Variants in ADCYAP1R1 observed in about 807,000 individuals in gnomAD.
ADCYAP1R1 encodes ADCYAP receptor type I.
In ADCYAP1R1, 44 loss-of-function variants were observed where a neutral mutation model predicts 67.6. That is an observed-to-expected ratio of 0.65 (90% CI 0.51 to 0.84). The LOEUF is 0.84. Among genes scored for constraint, ADCYAP1R1 ranks in the 40% least tolerant of loss-of-function variants. The pLI is 0.00. For missense variants in ADCYAP1R1, 477 were observed against 587.9 expected (o/e 0.81, Z 1.95); for synonymous variants, 222 against 219.6 (o/e 1.01, Z -0.10).
intron 1 of ADCYAP1R1, among the ~76,000 whole-genome samples, chr7:31,062,314 G>T (rs1794539437): frequency 6.6e-6 from 1 of 152,144 alleles, no homozygotes; most frequent in African/African-American, 2.4e-5. Flanking sequence ...TTGCAGGCCT[G>T]CCCCCTTGGA....
chr7:31,065,048 C>T lies in ADCYAP1R1; in HGVS notation c.157+112C>T, dbSNP rs1175341675. ...TCAAGGTATGGGTTTCTGGGGACTT[C>T]AGAAGGCCCTCGAGAATACTGATGT... On this transcript the variant is annotated intron_variant, in intron 3 of 15. Coordinates refer to ENST00000304166, the MANE Select transcript of ADCYAP1R1 (RefSeq NM_001118.5). 4 of 732,066 alleles carry T rather than the reference C, an allele frequency of 5.5e-6. No individual in the cohort carries two copies. The East Asian group carries it at 1.1e-4, about 20-fold the overall frequency. 45.3% of individuals were successfully genotyped at this position (732,066 alleles called of 1,614,324 possible).
chr7:31,058,644 T>C (rs897454421), intron 1 of ADCYAP1R1, among the ~76,000 whole-genome samples: 16 of 152,298 alleles, frequency 1.1e-4, no homozygotes, highest in African/African-American at 2.9e-4. Flanking sequence ...TGAAATGTTG[T>C]GTCTGTAACT....
intron 13 of ADCYAP1R1, among the ~76,000 whole-genome samples, chr7:31,098,301 A>C (rs994548635): frequency 6.6e-6 from 1 of 152,238 alleles, no homozygotes; most frequent in African/African-American, 2.4e-5. Context: ...TTATTGAGAA[A>C]AACATACTTA....
At chr7:31,096,556 A>G (rs1796203015) in intron 13 of ADCYAP1R1, among the ~76,000 whole-genome samples, 1 of 152,184 alleles carries the variant, frequency 6.6e-6, no homozygotes, top group Non-Finnish European at 1.5e-5. Flanking sequence ...ACCACCTAAG[A>G]TGACCCAGCA....
intron 13 of ADCYAP1R1, among the ~76,000 whole-genome samples, chr7:31,096,409 C>T (rs1023416988): frequency 1.3e-5 from 2 of 152,184 alleles, no homozygotes. Context: ...ACAAAGCCTC[C>T]ATCTTCCACT....
At chr7:31,082,917 T>C (rs896288534) in intron 6 of ADCYAP1R1, among the ~76,000 whole-genome samples, 24 of 152,370 alleles carry the variant, frequency 1.6e-4, no homozygotes, top group African/African-American at 5.8e-4. Flanking sequence ...GATCTTCTAA[T>C]GCAGGAAGCG....
At chr7:31,103,931 A>G (rs1189840548) in intron 14 of ADCYAP1R1, among the ~76,000 whole-genome samples, 3 of 152,226 alleles carry the variant, frequency 2.0e-5, no homozygotes, top group African/African-American at 7.2e-5. Context: ...CAGGAGCAGC[A>G]GTAGGTGGAT....
intron 1 of ADCYAP1R1, among the ~76,000 whole-genome samples, chr7:31,062,791 C>A (rs1467050679): frequency 6.6e-6 from 1 of 152,188 alleles, no homozygotes; most frequent in Non-Finnish European, 1.5e-5. Context: ...TCATCATGTG[C>A]CCACACCTCC....
intron 3 of ADCYAP1R1, among the ~76,000 whole-genome samples, chr7:31,067,347 T>A (rs373732259): frequency 3.3e-5 from 5 of 151,910 alleles, no homozygotes; most frequent in African/African-American, 4.8e-5. Flanking sequence ...AGGAAAAGAG[T>A]AAAGGCCCAG....
At chr7:31,063,441 C>T in intron 2 of ADCYAP1R1, 126 bp downstream of exon 2, 1 of 992,978 alleles carries the variant, frequency 1.0e-6, no homozygotes. Context: ...CCAACACCAC[C>T]ACTGGGCCAC....
At chr7:31,084,056 C>A in intron 6 of ADCYAP1R1, 85 bp from the exon 7 acceptor site, 2 of 1,193,840 alleles carry the variant, frequency 1.7e-6, no homozygotes, top group Non-Finnish European at 2.5e-6. Context: ...TCCAGGAATT[C>A]CCACTGAATA....
At chr7:31,078,190 T>A in intron 4 of ADCYAP1R1, 92 bp downstream of exon 4, 1 of 976,166 alleles carries the variant, frequency 1.0e-6, no homozygotes, top group East Asian at 2.5e-5. Context: ...GAGGCCACCC[T>A]GTGGGCAGAC....
intron 12 of ADCYAP1R1, among the ~76,000 whole-genome samples, chr7:31,089,131 T>C (rs565304393): frequency 2.6e-5 from 4 of 152,286 alleles, no homozygotes; most frequent in South Asian, 4.1e-4. Flanking sequence ...CATTCTTTCA[T>C]TGTATTTTCT....
chr7:31,106,357 G>T, intron 15 of ADCYAP1R1, 139 bp from the exon 16 acceptor site: 2 of 1,049,894 alleles, frequency 1.9e-6, no homozygotes, highest in Admixed American at 3.2e-5. Flanking sequence ...AGACCTTGAG[G>T]GCCGCAGGCT....
intron 13 of ADCYAP1R1, among the ~76,000 whole-genome samples, chr7:31,093,714 A>T (rs559798740): frequency 6.6e-6 from 1 of 152,262 alleles, no homozygotes; most frequent in African/African-American, 2.4e-5. Context: ...AAGAAAGCAG[A>T]TGAGGAGGAG....
chr7:31,097,219 C>T (rs1370934483), intron 13 of ADCYAP1R1, among the ~76,000 whole-genome samples: 1 of 152,354 alleles, frequency 6.6e-6, no homozygotes, highest in East Asian at 1.9e-4. Flanking sequence ...AATCAGGCTG[C>T]TCTGCTCTCC....
intron 1 of ADCYAP1R1, among the ~76,000 whole-genome samples, chr7:31,059,637 G>C (rs996513925): frequency 6.6e-6 from 1 of 152,202 alleles, no homozygotes; most frequent in Admixed American, 6.5e-5. Flanking sequence ...GCCACTGGCA[G>C]GGCTGGGGTG....
chr7:31,100,878 C>T (rs1372492686), intron 13 of ADCYAP1R1, among the ~76,000 whole-genome samples: 1 of 152,194 alleles, frequency 6.6e-6, no homozygotes, highest in East Asian at 1.9e-4. Flanking sequence ...TGCCATTGCT[C>T]CCCTGGGCAG....
At chr7:31,068,576 C>T (rs1275412036) in intron 3 of ADCYAP1R1, among the ~76,000 whole-genome samples, 3 of 152,172 alleles carry the variant, frequency 2.0e-5, no homozygotes, top group Non-Finnish European at 4.4e-5. Context: ...GCTCCAGGTC[C>T]ACCCTTTTCT....
Sources: gnomAD v4.1 joint callset for allele counts (sites outside exome capture counted in the v4.1 genomes callset) on GRCh38, gnomAD v4.1.1 for gene constraint, MANE v1.5 for transcripts, NCBI Gene and HGNC (gene_info 2026-07-23, HGNC 2026-07-21) for gene names.